The following ORC3 variants were observed in gnomAD, a reference collection of about 807,000 sequenced individuals.
ORC3 encodes homolog of latheo, Drosophila.
In ORC3, 78 loss-of-function variants were observed where a neutral mutation model predicts 100.7. That is an observed-to-expected ratio of 0.77 (90% CI 0.65 to 0.94). The LOEUF is 0.94. Among genes scored for constraint, ORC3 ranks in the 40% least tolerant of loss-of-function variants. ORC3 has a pLI of 0.00. For missense variants in ORC3, 789 were observed against 823.9 expected (o/e 0.96, Z 0.52); for synonymous variants, 295 against 289.3 (o/e 1.02, Z -0.20).
chr6:87,625,392 C>G (rs531945977), intron 11 of ORC3, among the ~76,000 whole-genome samples: 19 of 152,298 alleles, frequency 1.2e-4, no homozygotes, highest in Non-Finnish European at 2.8e-4. Context: ...GCCATTCTGA[C>G]TGGTGTGAGA....
At chr6:87,609,411 A>T in intron 7 of ORC3, 182 bp downstream of exon 7, 1 of 495,612 alleles carries the variant, frequency 2.0e-6, no homozygotes, top group Non-Finnish European at 3.5e-6. Context: ...TTGAGCCAAG[A>T]ATGAGAATCA....
At chr6:87,626,972 CATTTT>C (rs1291003520) in intron 11 of ORC3, among the ~76,000 whole-genome samples, 1 of 151,632 alleles carries the variant, frequency 6.6e-6, no homozygotes, top group African/African-American at 2.4e-5. Flanking sequence ...AATATGAACA[CATTTT>C]ATTTATTTAT....
downstream of ORC3, among the ~76,000 whole-genome samples, chr6:87,670,497 A>AAAAG (rs1355312520): frequency 1.3e-5 from 2 of 152,148 alleles, no homozygotes; most frequent in Non-Finnish European, 2.9e-5. Context: ...ATGAATACAC[A>AAAAG]AAAGAGCTAT....
chr6:87,641,183 C>T (rs1768223718), intron 13 of ORC3, among the ~76,000 whole-genome samples: 1 of 152,040 alleles, frequency 6.6e-6, no homozygotes. Context: ...ACTACACTCT[C>T]ATACCAGTAG....
intron 5 of ORC3, among the ~76,000 whole-genome samples, chr6:87,606,581 A>G (rs908433285): frequency 6.6e-6 from 1 of 150,684 alleles, no homozygotes; most frequent in East Asian, 1.9e-4. Flanking sequence ...CCTAGGCTGT[A>G]CTACAGTAGC....
chr6:87,631,775 A>G (rs1767440430), intron 11 of ORC3, among the ~76,000 whole-genome samples: 1 of 152,128 alleles, frequency 6.6e-6, no homozygotes, highest in African/African-American at 2.4e-5. Flanking sequence ...TACAGGCGTG[A>G]GCCACCCTGC....
chr6:87,615,552 G>C (rs7769144), intron 8 of ORC3, among the ~76,000 whole-genome samples: 1 of 152,176 alleles, frequency 6.6e-6, no homozygotes, highest in Middle Eastern at 3.4e-3. Context: ...TGGCTAGGCC[G>C]GAAAGGGTGG....
At chr6:87,646,387 A>G (rs1222111738) in intron 13 of ORC3, among the ~76,000 whole-genome samples, 1 of 152,104 alleles carries the variant, frequency 6.6e-6, no homozygotes, top group East Asian at 1.9e-4. Context: ...TTTCTCTTTA[A>G]TCTCACATGG....
chr6:87,633,781 G>A lies in ORC3; in HGVS notation c.1186-1064G>A, dbSNP rs909401325. The stretch of plus-strand genomic sequence containing the variant: ...ATGGCACAGATGATAATCCTCTTAA[G>A]AAAATGTTACAGAGTAAGTGGTTAT... On this transcript the variant is annotated intron_variant, in intron 11 of 19. Coordinates refer to ENST00000392844, the MANE Select transcript of ORC3 (RefSeq NM_012381.4). Among the ~76,000 whole-genome samples, 3 of 152,118 alleles carry A rather than the reference G, an allele frequency of 2.0e-5. 1 individual carries two copies.
intron 11 of ORC3, among the ~76,000 whole-genome samples, chr6:87,624,770 T>C (rs928969543): frequency 2.0e-5 from 3 of 152,192 alleles, no homozygotes; most frequent in Admixed American, 2.0e-4. Flanking sequence ...GGTATATGTG[T>C]GCCGTGTTGG....
intron 13 of ORC3, among the ~76,000 whole-genome samples, chr6:87,639,475 C>G (rs1042288999): frequency 3.3e-5 from 5 of 152,282 alleles, no homozygotes; most frequent in African/African-American, 7.2e-5. Context: ...GCATTCCTCC[C>G]CCCAATTTAT....
rs769822458 is a variant in ORC3 at position 87,612,212 on chromosome 6, G to A, written c.837G>A (p.Leu279=). ...SLLCIELFQS[L]SCKEHLTTVL... ...TGTGCATAGAACTGTTCCAATCTTT[G>A]TCTTGTAAGGAGCACCTGACTACGG... The change falls in exon 8 of 20, where the codon TTG becomes TTA. Residue 279 remains leucine, a synonymous_variant. Transcript: ENST00000392844. 1.2e-6 allele frequency: 2 copies of A among 1,610,756 alleles called. No homozygotes were observed. Among genetic ancestry groups the A allele is most frequent in the African/African-American group, 2.7e-5 (2 of 74,748 alleles).
rs960466492 is a variant in ORC3 at position 87,667,377 on chromosome 6, T to C, written c.*254T>C. On this transcript the variant is annotated 3_prime_UTR_variant, in exon 20 of 20. Coordinates refer to ENST00000392844, the MANE Select transcript of ORC3 (RefSeq NM_012381.4). ...ATTTTACTGTACTTTCCAAAGTCAT[T>C]ACTAAATTGTGAGTAAATCATTCTT... 2 of 337,050 alleles carry C rather than the reference T, an allele frequency of 5.9e-6. No individual in the cohort carries two copies. The highest frequency in any genetic ancestry group is 1.1e-5 in the Non-Finnish European group (2 of 188,498). 20.9% of individuals were successfully genotyped at this position (337,050 alleles called of 1,614,324 possible). A position where few individuals can be genotyped will look rare whatever the true frequency, so the allele number is the denominator to read the frequency against.
intron 13 of ORC3, among the ~76,000 whole-genome samples, chr6:87,645,185 C>T (rs1768662521): frequency 6.6e-6 from 1 of 151,806 alleles, no homozygotes; most frequent in Non-Finnish European, 1.5e-5. Flanking sequence ...CTGGTCCTTA[C>T]CTATACAGAA....
At chr6:87,623,825 G>T (rs1219066004) in intron 11 of ORC3, among the ~76,000 whole-genome samples, 1 of 151,826 alleles carries the variant, frequency 6.6e-6, no homozygotes, top group African/African-American at 2.4e-5. Flanking sequence ...TGGAGGCTGT[G>T]GTAAGCCGAG....
At chr6:87,676,193 G>A in the ORC3 span, among the ~76,000 whole-genome samples, 6 of 152,132 alleles carry the variant, frequency 3.9e-5, no homozygotes, top group South Asian at 4.1e-4. Flanking sequence ...GACCGGGTGC[G>A]GTGGCTCACG....
chr6:87,631,659 A>C (rs1333059691), intron 11 of ORC3, among the ~76,000 whole-genome samples: 1 of 151,702 alleles, frequency 6.6e-6, no homozygotes, highest in African/African-American at 2.4e-5. Context: ...CACCCAGCTA[A>C]TTTTTGTATT....
Position 87,616,406 on chromosome 6 carries a change from A to C in ORC3, c.966A>C (p.Gln322His). The change falls in exon 9 of 20, where the codon CAA becomes CAC. Residue 322 changes from glutamine (Q) to histidine (H), a missense_variant. Coordinates refer to ENST00000392844, the MANE Select transcript of ORC3 (RefSeq NM_012381.4). The stretch of plus-strand genomic sequence containing the variant: ...TTTTGTATCATGATTTCTCAGTTCA[A>C]AACTTTATAAAAGGACTTCAGGTAA... ...NIFLYHDFSV[Q>H]NFIKGLQLSL... 6.9e-7 allele frequency: 1 copy of C among 1,456,786 alleles called. No homozygotes were observed. The highest frequency in any genetic ancestry group is 2.3e-5 in the East Asian group (1 of 43,980). The allele number at this position is 1,456,786 out of a possible 1,614,324, so 90.2% of individuals were successfully genotyped here.
chr6:87,631,361 A>G (rs1020887558), intron 11 of ORC3, among the ~76,000 whole-genome samples: 8 of 152,234 alleles, frequency 5.3e-5, no homozygotes, highest in African/African-American at 1.9e-4. Context: ...ATTATGAAAC[A>G]AAATGGTGAC....
Sources: gnomAD v4.1 joint callset for allele counts (sites outside exome capture counted in the v4.1 genomes callset) on GRCh38, gnomAD v4.1.1 for gene constraint, MANE v1.5 for transcripts, NCBI Gene and HGNC (gene_info 2026-07-23, HGNC 2026-07-21) for gene names.